Variants in TMEM117 observed in about 807,000 individuals in gnomAD.
The protein encoded by TMEM117 is transmembrane protein 117.
In TMEM117, 27 loss-of-function variants were observed where a neutral mutation model predicts 52.4. That is an observed-to-expected ratio of 0.51 (90% CI 0.38 to 0.71). The LOEUF (loss-of-function observed/expected upper bound fraction) is 0.71, where lower values mean the gene tolerates loss of function less well. TMEM117 is among the 30% of genes least tolerant of loss of function. The pLI, the probability that TMEM117 is intolerant of heterozygous loss-of-function variation, is 0.00. For missense variants in TMEM117, 556 were observed against 630.5 expected (o/e 0.88, Z 1.26); for synonymous variants, 215 against 206.3 (o/e 1.04, Z -0.36).
At chr12:44,269,372 T>A (rs1449721365) in intron 5 of TMEM117, among the ~76,000 whole-genome samples, 2 of 152,162 alleles carry the variant, frequency 1.3e-5, no homozygotes, top group Non-Finnish European at 2.9e-5. Context: ...ATGCTAATTT[T>A]AAAAATGTAT....
intron 6 of TMEM117, among the ~76,000 whole-genome samples, chr12:44,349,673 C>T (rs866225013): frequency 6.6e-6 from 1 of 152,014 alleles, no homozygotes; most frequent in Non-Finnish European, 1.5e-5. Context: ...ATCCTTCTTT[C>T]CCTGAGGGCT....
chr12:43,966,118 T>C (rs1438140106), intron 3 of TMEM117, among the ~76,000 whole-genome samples: 1 of 152,214 alleles, frequency 6.6e-6, no homozygotes, highest in Non-Finnish European at 1.5e-5. Context: ...TTCCATGGTA[T>C]ATGTGTACCA....
chr12:43,875,219 A>C (rs919301591), intron 2 of TMEM117, among the ~76,000 whole-genome samples: 7 of 81,834 alleles, frequency 8.6e-5, no homozygotes, highest in Admixed American at 1.6e-4. Flanking sequence ...AATGGTGGGG[A>C]AGTGTGTGTG....
intron 3 of TMEM117, among the ~76,000 whole-genome samples, chr12:44,077,718 A>G (rs1158870665): frequency 2.6e-5 from 4 of 152,124 alleles, no homozygotes; most frequent in Non-Finnish European, 5.9e-5. Context: ...TGTTAAGATA[A>G]TTTCACCTGC....
chr12:44,222,754 C>T (rs1949805565), intron 5 of TMEM117, among the ~76,000 whole-genome samples: 1 of 152,146 alleles, frequency 6.6e-6, no homozygotes, highest in Admixed American at 6.5e-5. Flanking sequence ...GATATAGTAG[C>T]TCTGAGATGT....
At chr12:44,251,611 A>G (rs778354375) in intron 5 of TMEM117, among the ~76,000 whole-genome samples, 1 of 152,238 alleles carries the variant, frequency 6.6e-6, no homozygotes, top group African/African-American at 2.4e-5. Flanking sequence ...AAAAAAGTAT[A>G]TATTGGATTA....
intron 2 of TMEM117, among the ~76,000 whole-genome samples, chr12:43,871,367 G>A (rs942167484): frequency 6.6e-6 from 1 of 152,192 alleles, no homozygotes; most frequent in East Asian, 1.9e-4. Flanking sequence ...GCCTCCCAAA[G>A]TACTAGGATT....
intron 6 of TMEM117, among the ~76,000 whole-genome samples, chr12:44,311,913 GTATA>G (rs139786914): frequency 7.8e-6 from 1 of 127,870 alleles, no homozygotes; most frequent in Non-Finnish European, 1.6e-5. Context: ...ATATATGTGT[GTATA>G]TATATATATA....
At chr12:44,006,483 GTTT>G (rs775273395) in intron 3 of TMEM117, among the ~76,000 whole-genome samples, 69 of 152,100 alleles carry the variant, frequency 4.5e-4, no homozygotes, top group Admixed American at 2.6e-4. Flanking sequence ...CCTGGGCTTG[GTTT>G]TTCATGCAGA....
intron 6 of TMEM117, among the ~76,000 whole-genome samples, chr12:44,329,952 C>G (rs1258531672): frequency 6.6e-6 from 1 of 152,012 alleles, no homozygotes; most frequent in Non-Finnish European, 1.5e-5. Flanking sequence ...GTGAATAATG[C>G]TGCTATGAAC....
chr12:43,982,866 T>C (rs1945783237), intron 3 of TMEM117, among the ~76,000 whole-genome samples: 1 of 152,222 alleles, frequency 6.6e-6, no homozygotes, highest in South Asian at 2.1e-4. Context: ...GGAGAAGGTA[T>C]TTTGACCCCT....
At chr12:43,968,876 T>C (rs1945528369) in intron 3 of TMEM117, among the ~76,000 whole-genome samples, 1 of 152,172 alleles carries the variant, frequency 6.6e-6, no homozygotes, top group Non-Finnish European at 1.5e-5. Context: ...AGCCTGCACA[T>C]GGGGAAATAA....
intron 6 of TMEM117, among the ~76,000 whole-genome samples, chr12:44,371,971 A>G (rs1175219997): frequency 1.3e-5 from 2 of 152,222 alleles, no homozygotes; most frequent in Admixed American, 6.5e-5. Flanking sequence ...ATGAATAAAA[A>G]TTAACTGTTT....
the TMEM117 span, chr12:43,797,691 C>T: frequency 6.2e-7 from 1 of 1,608,724 alleles, no homozygotes; most frequent in Non-Finnish European, 8.5e-7. Context: ...ACTTAATAAT[C>T]ATTATACATC....
chr12:44,223,150 G>T (rs1476780401), intron 5 of TMEM117, among the ~76,000 whole-genome samples: 2 of 151,716 alleles, frequency 1.3e-5, no homozygotes, highest in Non-Finnish European at 1.5e-5. Context: ...AGTCACCTAG[G>T]TATTAAGCCT....
intron 3 of TMEM117, among the ~76,000 whole-genome samples, chr12:44,107,212 T>G (rs1947971554): frequency 6.6e-6 from 1 of 152,094 alleles, no homozygotes; most frequent in Admixed American, 6.6e-5. Context: ...AAGTTAAAAA[T>G]TAACTTTCTC....
intron 2 of TMEM117, among the ~76,000 whole-genome samples, chr12:43,937,609 G>A (rs1030122429): frequency 6.6e-6 from 1 of 152,188 alleles, no homozygotes; most frequent in African/African-American, 2.4e-5. Flanking sequence ...TATAGATGGG[G>A]AGAAAGTTGG....
intron 2 of TMEM117, among the ~76,000 whole-genome samples, chr12:43,908,821 A>G (rs1351496749): frequency 1.3e-5 from 2 of 150,150 alleles, no homozygotes; most frequent in African/African-American, 2.4e-5. Flanking sequence ...TATGCACCCA[A>G]TACAGGAGCA....
At chr12:44,252,980 A>G (rs983971331) in intron 5 of TMEM117, among the ~76,000 whole-genome samples, 5 of 152,232 alleles carry the variant, frequency 3.3e-5, no homozygotes, top group Non-Finnish European at 7.3e-5. Context: ...AAGAGGAGGA[A>G]CAGAAAGGAG....
Sources: allele counts gnomAD v4.1 joint callset (sites outside exome capture counted in the v4.1 genomes callset), GRCh38; gene constraint gnomAD v4.1.1; transcripts MANE v1.5; gene names NCBI Gene and HGNC (gene_info 2026-07-23, HGNC 2026-07-21).